Variants in SERGEF observed in about 807,000 individuals in gnomAD.
The protein encoded by SERGEF is secretion-regulating guanine nucleotide exchange factor.
SERGEF carries 51 observed loss-of-function variants against 50.0 expected under a neutral mutation model. That is an observed-to-expected ratio of 1.02 (90% confidence interval 0.81 to 1.29). SERGEF has a LOEUF of 1.29. SERGEF is among the 50% of genes most tolerant of loss of function. SERGEF has a pLI of 0.00. For missense variants in SERGEF, 521 were observed against 557.0 expected (o/e 0.94, Z 0.65); for synonymous variants, 205 against 212.4 (o/e 0.97, Z 0.30).
intron 8 of SERGEF, among the ~76,000 whole-genome samples, chr11:17,963,398 T>A (rs1853057101): frequency 6.7e-6 from 1 of 148,476 alleles, no homozygotes; most frequent in African/African-American, 2.5e-5. Flanking sequence ...AAAAAAAATT[T>A]TTTTTTTGAC....
chr11:17,843,314 G>T (rs1208869042), intron 10 of SERGEF, among the ~76,000 whole-genome samples: 4 of 152,004 alleles, frequency 2.6e-5, no homozygotes, highest in African/African-American at 9.7e-5. Flanking sequence ...CTCATCACTG[G>T]GCATGTAAAG....
At chr11:17,905,636 ATGACAGGAGTCAGAGG>A (rs1851825918) in intron 9 of SERGEF, among the ~76,000 whole-genome samples, 2 of 152,198 alleles carry the variant, frequency 1.3e-5, no homozygotes, top group Non-Finnish European at 2.9e-5. Context: ...CAGAGCTCAC[ATGACAGGAGTCAGAGG>A]TGACAGGAGT....
intron 9 of SERGEF, among the ~76,000 whole-genome samples, chr11:17,951,791 T>TGAG (rs1852780013): frequency 6.6e-6 from 1 of 152,172 alleles, no homozygotes; most frequent in African/African-American, 2.4e-5. Flanking sequence ...ACAGCTTTCT[T>TGAG]TCTCAACTTC....
intron 9 of SERGEF, among the ~76,000 whole-genome samples, chr11:17,932,065 A>T (rs1205714529): frequency 6.6e-6 from 1 of 152,222 alleles, no homozygotes; most frequent in Non-Finnish European, 1.5e-5. Context: ...TGGAAAAAAA[A>T]ACAGCTTTGT....
At chr11:17,871,802 G>A (rs956193482) in intron 10 of SERGEF, among the ~76,000 whole-genome samples, 1 of 152,160 alleles carries the variant, frequency 6.6e-6, no homozygotes, top group Non-Finnish European at 1.5e-5. Flanking sequence ...TATCTGGCGA[G>A]AGTATAGCAC....
At chr11:17,941,029 T>C (rs927036733) in intron 9 of SERGEF, among the ~76,000 whole-genome samples, 2 of 152,226 alleles carry the variant, frequency 1.3e-5, no homozygotes, top group African/African-American at 4.8e-5. Flanking sequence ...TAAATAATTG[T>C]ACAATGAACA....
chr11:17,988,028 T>G (rs542045443), intron 8 of SERGEF, among the ~76,000 whole-genome samples: 145 of 152,030 alleles, frequency 9.5e-4, no homozygotes, highest in Non-Finnish European at 1.6e-3. Flanking sequence ...AAGGGAAAGA[T>G]GAGAAATAAA....
intron 8 of SERGEF, among the ~76,000 whole-genome samples, chr11:17,967,667 C>T (rs1853152804): frequency 6.6e-6 from 1 of 152,214 alleles, no homozygotes. Flanking sequence ...TGGTTTCTTC[C>T]TCCAGGCTAG....
chr11:17,844,485 G>GTA (rs1275248763), intron 10 of SERGEF, among the ~76,000 whole-genome samples: 1 of 152,166 alleles, frequency 6.6e-6, no homozygotes, highest in Non-Finnish European at 1.5e-5. Flanking sequence ...TAGGCAGTCA[G>GTA]TATAGGGCAG....
chr11:17,798,867 G>A (rs920630029), intron 10 of SERGEF, among the ~76,000 whole-genome samples: 2 of 152,222 alleles, frequency 1.3e-5, no homozygotes, highest in African/African-American at 4.8e-5. Flanking sequence ...CTCTGTGGAT[G>A]AGGAAACAGG....
At chr11:17,984,401 C>G (rs1157353345) in intron 8 of SERGEF, among the ~76,000 whole-genome samples, 6 of 152,122 alleles carry the variant, frequency 3.9e-5, no homozygotes. Flanking sequence ...ATGGTACACA[C>G]TTTTAAACAA....
intron 10 of SERGEF, among the ~76,000 whole-genome samples, chr11:17,852,283 T>A (rs79414611): frequency 9.8e-5 from 15 of 152,352 alleles, no homozygotes; most frequent in African/African-American, 3.4e-4. Context: ...CCCGAACCCA[T>A]GCTCTTTCAA....
At chr11:17,828,451 C>A (rs1327427182) in intron 10 of SERGEF, among the ~76,000 whole-genome samples, 1 of 152,218 alleles carries the variant, frequency 6.6e-6, no homozygotes, top group African/African-American at 2.4e-5. Flanking sequence ...GTCAGCTGGG[C>A]TCTACTCCAC....
At chr11:17,978,910 T>C (rs1403626417) in intron 8 of SERGEF, among the ~76,000 whole-genome samples, 1 of 152,222 alleles carries the variant, frequency 6.6e-6, no homozygotes, top group Non-Finnish European at 1.5e-5. Context: ...CCTTGTCGAA[T>C]ACACCCACTT....
intron 10 of SERGEF, among the ~76,000 whole-genome samples, chr11:17,862,260 C>G (rs1252805473): frequency 2.6e-5 from 4 of 152,208 alleles, no homozygotes; most frequent in Non-Finnish European, 5.9e-5. Context: ...CATTCCCTAA[C>G]CCCATGTTAG....
chr11:17,789,961 G>A (rs1849453265), intron 10 of SERGEF, among the ~76,000 whole-genome samples: 1 of 152,022 alleles, frequency 6.6e-6, no homozygotes, highest in African/African-American at 2.4e-5. Flanking sequence ...CTCCACCCCG[G>A]GTGACAGAGC....
intron 9 of SERGEF, among the ~76,000 whole-genome samples, chr11:17,923,262 G>A (rs1852190548): frequency 2.0e-5 from 3 of 152,234 alleles, no homozygotes; most frequent in Admixed American, 2.0e-4. Flanking sequence ...TCCCTGGAGA[G>A]CAGGGGCCAT....
intron 8 of SERGEF, among the ~76,000 whole-genome samples, chr11:17,981,495 C>T (rs991763954): frequency 6.6e-6 from 1 of 152,192 alleles, no homozygotes; most frequent in Non-Finnish European, 1.5e-5. Context: ...CTCTGCCCTT[C>T]TGTGTGAAAC....
intron 5 of SERGEF, among the ~76,000 whole-genome samples, chr11:18,000,128 T>C (rs1199897930): frequency 6.6e-6 from 1 of 152,216 alleles, no homozygotes; most frequent in African/African-American, 2.4e-5. Flanking sequence ...AAGTTAAGTT[T>C]CCTCTTATTA....
Sources: allele counts gnomAD v4.1 joint callset (sites outside exome capture counted in the v4.1 genomes callset), GRCh38; gene constraint gnomAD v4.1.1; transcripts MANE v1.5; gene names NCBI Gene and HGNC (gene_info 2026-07-23, HGNC 2026-07-21).